ITGBL1: variants seen among roughly 807,000 people sequenced by gnomAD.
ITGBL1 encodes the protein integrin subunit beta like 1.
In ITGBL1, 51 loss-of-function variants were observed where a neutral mutation model predicts 68.5. That is an observed-to-expected ratio of 0.74 (90% CI 0.59 to 0.94). The LOEUF (loss-of-function observed/expected upper bound fraction) is 0.94. Among genes scored for constraint, ITGBL1 ranks in the 40% least tolerant of loss-of-function variants. The probability of loss-of-function intolerance (pLI) is 0.00; values close to 1 mark genes in which losing one functional copy is unlikely to be tolerated. For missense variants in ITGBL1, 649 were observed against 647.4 expected, an observed-to-expected ratio of 1.00 and a Z score of -0.03; for synonymous variants, 209 against 227.3, an observed-to-expected ratio of 0.92 and a Z score of 0.72.
At chr13:101,460,230 G>C (rs9585700) in intron 2 of ITGBL1, among the ~76,000 whole-genome samples, 1 of 151,912 alleles carries the variant, frequency 6.6e-6, no homozygotes, top group East Asian at 1.9e-4. Context: ...TCTCTGAGTC[G>C]GAGGCACCAA....
chr13:101,680,533 C>CTT (rs558867026), intron 7 of ITGBL1, among the ~76,000 whole-genome samples: 7 of 143,732 alleles, frequency 4.9e-5, no homozygotes, highest in Admixed American at 7.0e-5. Flanking sequence ...CGGGAATACA[C>CTT]TTTTTTTTTT....
At chr13:101,598,332 T>C in intron 7 of ITGBL1, 33 bp downstream of exon 7, 2 of 1,484,974 alleles carry the variant, frequency 1.3e-6, no homozygotes, top group Non-Finnish European at 1.8e-6. Flanking sequence ...TCCCACGGCC[T>C]CTCCATCACA....
At chr13:101,675,192 A>G (rs2033471353) in intron 7 of ITGBL1, among the ~76,000 whole-genome samples, 1 of 151,500 alleles carries the variant, frequency 6.6e-6, no homozygotes, top group Non-Finnish European at 1.5e-5. Context: ...AAAGTAATGC[A>G]TCTTTTTATC....
chr13:101,575,396 AAC>A lies in ITGBL1; in HGVS notation c.464-26_464-25del, dbSNP rs1566738431. 7 of 1,604,984 alleles carry A rather than the reference AAC, an allele frequency of 4.4e-6. No homozygotes were observed. In the Admixed American group the frequency reaches 1.2e-4, roughly 27 times the overall value. ...ATTATAATTTTATGTGCATGTAACA[AAC>A]AGTCTTTTTTGTTTTCATGGTTTAG... On this transcript the variant is annotated intron_variant, in intron 3 of 10. Coordinates refer to ENST00000376180, the MANE Select transcript of ITGBL1 (RefSeq NM_004791.3).
intron 2 of ITGBL1, among the ~76,000 whole-genome samples, chr13:101,473,866 A>G (rs767501345): frequency 6.6e-6 from 1 of 152,160 alleles, no homozygotes; most frequent in Non-Finnish European, 1.5e-5. Flanking sequence ...TACCTTGAAG[A>G]GAAGGACCCA....
intron 7 of ITGBL1, among the ~76,000 whole-genome samples, chr13:101,663,791 T>C (rs1445084934): frequency 6.6e-6 from 1 of 152,130 alleles, no homozygotes; most frequent in South Asian, 2.1e-4. Context: ...TAATGTAAAA[T>C]AAACATTGCA....
chr13:101,647,802 C>T (rs1272893369), intron 7 of ITGBL1, among the ~76,000 whole-genome samples: 1 of 152,178 alleles, frequency 6.6e-6, no homozygotes, highest in Non-Finnish European at 1.5e-5. Context: ...AGGGAGCCAG[C>T]TATTCCACCC....
intron 6 of ITGBL1, among the ~76,000 whole-genome samples, chr13:101,597,538 T>G (rs1473186372): frequency 6.6e-6 from 1 of 151,538 alleles, no homozygotes; most frequent in African/African-American, 2.4e-5. Flanking sequence ...TTTTTCTTTT[T>G]TTGTTGTTTT....
At chr13:101,461,166 T>C (rs1448888681) in intron 2 of ITGBL1, among the ~76,000 whole-genome samples, 2 of 152,184 alleles carry the variant, frequency 1.3e-5, no homozygotes, top group East Asian at 3.9e-4. Flanking sequence ...AAGGAACATA[T>C]GGAAACAAAT....
intron 7 of ITGBL1, among the ~76,000 whole-genome samples, chr13:101,602,718 A>T (rs2030461289): frequency 6.6e-6 from 1 of 152,000 alleles, no homozygotes. Context: ...ACCCTATAGC[A>T]GCCACTCCCC....
At chr13:101,545,697 A>G (rs2049808885) in intron 2 of ITGBL1, among the ~76,000 whole-genome samples, 2 of 152,184 alleles carry the variant, frequency 1.3e-5, no homozygotes, top group Non-Finnish European at 1.5e-5. Context: ...AAATATAAAC[A>G]ATAAAAAAAG....
chr13:101,653,729 G>A (rs912218118), intron 7 of ITGBL1, among the ~76,000 whole-genome samples: 6 of 151,614 alleles, frequency 4.0e-5, no homozygotes, highest in South Asian at 2.1e-4. Context: ...TCACTCTGTC[G>A]CCAGGCTGGA....
chr13:101,504,320 C>T (rs984070107), intron 2 of ITGBL1, among the ~76,000 whole-genome samples: 1 of 143,716 alleles, frequency 7.0e-6, no homozygotes, highest in African/African-American at 2.5e-5. Context: ...CTCAGAGTCA[C>T]GATCCAGCAA....
chr13:101,575,324 A>G, intron 3 of ITGBL1, 100 bp from the exon 4 acceptor site: 2 of 1,116,900 alleles, frequency 1.8e-6, no homozygotes, highest in African/African-American at 3.1e-5. Flanking sequence ...TATTAAATTG[A>G]TTTGGATTAT....
At chr13:101,657,901 T>A (rs1452905965) in intron 7 of ITGBL1, among the ~76,000 whole-genome samples, 1 of 152,196 alleles carries the variant, frequency 6.6e-6, no homozygotes, top group Non-Finnish European at 1.5e-5. Context: ...GCTCTTCTTA[T>A]CCTTTGGGTA....
At chr13:101,637,120 T>A (rs1274634449) in intron 7 of ITGBL1, among the ~76,000 whole-genome samples, 2 of 152,150 alleles carry the variant, frequency 1.3e-5, no homozygotes, top group Non-Finnish European at 2.9e-5. Context: ...ACATCAAAGT[T>A]ATGTAGAACA....
intron 3 of ITGBL1, among the ~76,000 whole-genome samples, chr13:101,569,755 T>C (rs888800716): frequency 2.0e-5 from 3 of 152,124 alleles, no homozygotes; most frequent in Non-Finnish European, 4.4e-5. Flanking sequence ...TATTCTTAGG[T>C]AAAACACTAG....
chr13:101,525,465 C>A (rs1431709947), intron 2 of ITGBL1, among the ~76,000 whole-genome samples: 1 of 44,242 alleles, frequency 2.3e-5, no homozygotes, highest in Non-Finnish European at 4.4e-5. Context: ...ATTTTCATCA[C>A]CTCCTTTTCT....
chr13:101,659,176 C>T (rs1291574013), intron 7 of ITGBL1, among the ~76,000 whole-genome samples: 1 of 151,446 alleles, frequency 6.6e-6, no homozygotes, highest in African/African-American at 2.4e-5. Flanking sequence ...TCCCCTGCCT[C>T]AGCCTCCAGA....
Sources: allele counts gnomAD v4.1 joint callset (sites outside exome capture counted in the v4.1 genomes callset), GRCh38; gene constraint gnomAD v4.1.1; transcripts MANE v1.5; gene names NCBI Gene and HGNC (gene_info 2026-07-23, HGNC 2026-07-21).